The following CCSER1 variants were observed in gnomAD, a reference collection of about 807,000 sequenced individuals.
CCSER1 encodes coiled-coil serine rich protein 1, also known as serine-rich coiled-coil domain-containing protein 1.
In CCSER1, 41 loss-of-function variants were observed where a neutral mutation model predicts 82.0. That is an observed-to-expected ratio of 0.50 (90% CI 0.39 to 0.65). CCSER1 has a LOEUF of 0.65. Ranked by LOEUF, CCSER1 falls within the 30% of genes least tolerant of loss-of-function variation. The pLI, the probability that CCSER1 is intolerant of heterozygous loss-of-function variation, is 0.00. For missense variants in CCSER1, 1,119 were observed against 1,064.2 expected (o/e 1.05, Z -0.72); for synonymous variants, 414 against 383.9 (o/e 1.08, Z -0.92).
At chr4:91,544,151 A>G (rs1268555833) in intron 10 of CCSER1, among the ~76,000 whole-genome samples, 9 of 152,100 alleles carry the variant, frequency 5.9e-5, no homozygotes, top group Non-Finnish European at 1.5e-5. Context: ...TTTCAGCTCC[A>G]TCAGGTCATT....
chr4:90,844,302 T>A (rs986624540), intron 8 of CCSER1, among the ~76,000 whole-genome samples: 6 of 152,152 alleles, frequency 3.9e-5, no homozygotes, highest in African/African-American at 1.4e-4. Context: ...ATACTTGCTT[T>A]ACTGTGCATG....
intron 4 of CCSER1, among the ~76,000 whole-genome samples, chr4:90,438,715 C>T (rs886983221): frequency 1.3e-5 from 2 of 152,216 alleles, no homozygotes; most frequent in Admixed American, 1.3e-4. Flanking sequence ...AGATCAGCAT[C>T]CTTGACATTA....
rs201609852 is a variant in CCSER1 at position 91,513,814 on chromosome 4, AT to A, written c.2218-84749del. On this transcript the variant is annotated intron_variant, in intron 10 of 10. Coordinates refer to ENST00000509176, the MANE Select transcript of CCSER1 (RefSeq NM_001145065.2). ...CTGTGGGATTGTTTGTAATGTTACCATTTTTTTTTATTGTGCTTATTTTTAT... is the reference window on the plus strand; with the variant it reads ...CTGTGGGATTGTTTGTAATGTTACCATTTTTTTTATTGTGCTTATTTTTAT... Among the ~76,000 whole-genome samples, 98 of 150,624 alleles carry A rather than the reference AT, an allele frequency of 6.5e-4. 1 individual carries two copies. The highest frequency in any genetic ancestry group is 1.9e-3 in the African/African-American group (79 of 41,120).
chr4:91,374,174 A>T (rs957415225), intron 10 of CCSER1, among the ~76,000 whole-genome samples: 1 of 152,166 alleles, frequency 6.6e-6, no homozygotes, highest in African/African-American at 2.4e-5. Context: ...GATGTAGCTA[A>T]GATTATTTTG....
intron 10 of CCSER1, among the ~76,000 whole-genome samples, chr4:91,108,431 C>A (rs369047473): frequency 1.1e-3 from 171 of 152,192 alleles, no homozygotes; most frequent in African/African-American, 4.0e-3. Flanking sequence ...TGTAATTACT[C>A]AGAATGTTAG....
intron 1 of CCSER1, among the ~76,000 whole-genome samples, chr4:90,252,802 A>G (rs1722633944): frequency 6.6e-6 from 1 of 151,916 alleles, no homozygotes; most frequent in Admixed American, 6.6e-5. Flanking sequence ...CATTTTTTCA[A>G]TTGTTCAATG....
At chr4:90,557,984 A>G (rs1261540580) in intron 5 of CCSER1, among the ~76,000 whole-genome samples, 6 of 152,200 alleles carry the variant, frequency 3.9e-5, no homozygotes, top group Non-Finnish European at 5.9e-5. Flanking sequence ...ATCCTCTTCC[A>G]TATTACAATG....
chr4:90,904,861 G>A (rs1349534732), intron 8 of CCSER1, among the ~76,000 whole-genome samples: 1 of 151,976 alleles, frequency 6.6e-6, no homozygotes, highest in Non-Finnish European at 1.5e-5. Flanking sequence ...ATTATGCTCA[G>A]TATCTCCCAT....
intron 10 of CCSER1, among the ~76,000 whole-genome samples, chr4:91,462,895 G>C (rs2149433294): frequency 6.6e-6 from 1 of 152,250 alleles, no homozygotes; most frequent in East Asian, 1.9e-4. Flanking sequence ...CTCTGCTCAA[G>C]GAGGCCTGCC....
chr4:90,399,131 C>A (rs1752439333), intron 3 of CCSER1, among the ~76,000 whole-genome samples: 1 of 151,886 alleles, frequency 6.6e-6, no homozygotes, highest in Non-Finnish European at 1.5e-5. Context: ...CTAATAAGTT[C>A]TTACTTTTCT....
At chr4:90,747,257 A>C (rs1747649509) in intron 7 of CCSER1, among the ~76,000 whole-genome samples, 1 of 152,258 alleles carries the variant, frequency 6.6e-6, no homozygotes. Flanking sequence ...TTGCAGTTCT[A>C]GAATGAAAGT....
intron 10 of CCSER1, among the ~76,000 whole-genome samples, chr4:91,531,056 G>A (rs908731591): frequency 2.6e-5 from 4 of 151,932 alleles, no homozygotes; most frequent in Non-Finnish European, 5.9e-5. Flanking sequence ...GATGTACTAG[G>A]TACTTTATGA....
intron 10 of CCSER1, among the ~76,000 whole-genome samples, chr4:91,454,604 G>A (rs1756051187): frequency 6.6e-6 from 1 of 151,786 alleles, no homozygotes; most frequent in African/African-American, 2.4e-5. Context: ...ATATTTTGAG[G>A]GGACATTTTA....
chr4:90,809,877 G>A (rs1272140715), intron 7 of CCSER1, among the ~76,000 whole-genome samples: 2 of 147,932 alleles, frequency 1.4e-5, no homozygotes, highest in Non-Finnish European at 1.5e-5. Flanking sequence ...ACTAGACAGA[G>A]TGATACCCTG....
chr4:91,530,787 A>C (rs1331891193), intron 10 of CCSER1, among the ~76,000 whole-genome samples: 3 of 151,532 alleles, frequency 2.0e-5, no homozygotes, highest in South Asian at 2.1e-4. Context: ...TCCCAGGTTC[A>C]AGCGATTCTC....
At chr4:90,627,308 GT>G (rs1723473558) in intron 5 of CCSER1, among the ~76,000 whole-genome samples, 1 of 151,906 alleles carries the variant, frequency 6.6e-6, no homozygotes, top group South Asian at 2.1e-4. Flanking sequence ...TTTCTTATCT[GT>G]ATTATTGCCT....
Position 91,458,922 on chromosome 4 carries a change from C to T in CCSER1, c.2218-139650C>T, listed in dbSNP as rs1578509922. On this transcript the variant is annotated intron_variant, in intron 10 of 10. Transcript: ENST00000509176. ...TGGCATTTTAAAAATATATGACCTCCTCTCCCTATTTTTGATGAATCCTTT... is the reference window on the plus strand; with the variant it reads ...TGGCATTTTAAAAATATATGACCTCTTCTCCCTATTTTTGATGAATCCTTT... Among the ~76,000 whole-genome samples the T allele has an allele frequency of 4.6e-5, 7 of 152,160 alleles. No individual in the cohort carries two copies. In the South Asian group the frequency reaches 1.5e-3, roughly 32 times the overall value.
chr4:91,324,541 T>C (rs1189009923), intron 10 of CCSER1, among the ~76,000 whole-genome samples: 1 of 152,182 alleles, frequency 6.6e-6, no homozygotes, highest in African/African-American at 2.4e-5. Context: ...CAATATTGTA[T>C]TATTTAAGAA....
chr4:91,095,571 C>A (rs184060951), intron 10 of CCSER1, among the ~76,000 whole-genome samples: 5 of 152,132 alleles, frequency 3.3e-5, no homozygotes, highest in African/African-American at 9.7e-5. Flanking sequence ...CGATTTCCTC[C>A]GGATATCTTC....
Sources: gnomAD v4.1 joint callset for allele counts (sites outside exome capture counted in the v4.1 genomes callset) on GRCh38, gnomAD v4.1.1 for gene constraint, MANE v1.5 for transcripts, NCBI Gene and HGNC (gene_info 2026-07-23, HGNC 2026-07-21) for gene names.